The following SCOC variants were observed in gnomAD, a reference collection of about 807,000 sequenced individuals.
SCOC encodes the protein short coiled coil protein.
SCOC carries 7 observed loss-of-function variants against 9.9 expected under a neutral mutation model. The observed-to-expected ratio is 0.71, with a 90% CI of 0.40 to 1.33. The LOEUF is 1.33. Among genes scored for constraint, SCOC ranks in the 40% most tolerant of loss-of-function variants. SCOC has a pLI of 0.01. For missense variants in SCOC, 66 were observed against 89.7 expected (o/e 0.74, Z 1.07); for synonymous variants, 19 against 28.2 (o/e 0.67, Z 1.03).
At chr4:140,308,735 C>T (rs919098757) in intron 1 of SCOC, among the ~76,000 whole-genome samples, 1 of 152,218 alleles carries the variant, frequency 6.6e-6, no homozygotes, top group Non-Finnish European at 1.5e-5. Flanking sequence ...TGAGAAGTGT[C>T]TGGAGAAAAG....
chr4:140,305,661 T>C (rs188376037), intron 1 of SCOC, among the ~76,000 whole-genome samples: 2 of 152,240 alleles, frequency 1.3e-5, no homozygotes, highest in Admixed American at 1.3e-4. Context: ...AAGAGCCATA[T>C]AGCTATATAG....
rs539937449 is a variant in SCOC at position 140,312,883 on chromosome 4, G to A, written c.-18-30738G>A. The stretch of plus-strand genomic sequence containing the variant: ...ATTTTTAAGAAAAACTCAACATTCT[G>A]GCCATTATACCATCTAGGAATTTTA... On this transcript the variant is annotated intron_variant, in intron 1 of 4. Coordinates refer to the SCOC transcript ENST00000394205. Among the ~76,000 whole-genome samples the A allele has an allele frequency of 7.2e-5, 11 of 152,128 alleles. No homozygotes were observed. The South Asian group carries it at 2.3e-3, about 32-fold the overall frequency.
intron 1 of SCOC, among the ~76,000 whole-genome samples, chr4:140,313,356 A>C (rs779882123): frequency 6.6e-6 from 1 of 152,152 alleles, no homozygotes; most frequent in East Asian, 1.9e-4. Context: ...GCGATTCTCG[A>C]TTCTCCTGTC....
chr4:140,372,382 T>A (rs1432856418), upstream of SCOC, among the ~76,000 whole-genome samples: 1 of 152,234 alleles, frequency 6.6e-6, no homozygotes, highest in Non-Finnish European at 1.5e-5. Context: ...TGCATAGAAT[T>A]CTTATATTAA....
intron 1 of SCOC, among the ~76,000 whole-genome samples, chr4:140,264,412 T>A (rs977024065): frequency 6.6e-6 from 1 of 152,194 alleles, no homozygotes; most frequent in Non-Finnish European, 1.5e-5. Flanking sequence ...GTGCCTTGGT[T>A]TCCTTATGTG....
intron 1 of SCOC, among the ~76,000 whole-genome samples, chr4:140,260,721 T>A (rs957322262): frequency 6.6e-6 from 1 of 152,242 alleles, no homozygotes; most frequent in Non-Finnish European, 1.5e-5. Flanking sequence ...TCACTCATTC[T>A]GGAGTGGGGA....
chr4:140,374,864 T>G (rs2126591248), intron 1 of SCOC, among the ~76,000 whole-genome samples: 1 of 152,320 alleles, frequency 6.6e-6, no homozygotes, highest in East Asian at 1.9e-4. Flanking sequence ...TTTCTGAAAT[T>G]TAGTGTCCAT....
intron 1 of SCOC, among the ~76,000 whole-genome samples, chr4:140,314,742 G>A (rs966361711): frequency 1.1e-4 from 16 of 152,158 alleles, no homozygotes; most frequent in African/African-American, 3.9e-4. Flanking sequence ...CAGCTAGCGA[G>A]GTGCTAAGTG....
At chr4:140,261,705 A>G (rs1392315032) in intron 1 of SCOC, among the ~76,000 whole-genome samples, 1 of 152,242 alleles carries the variant, frequency 6.6e-6, no homozygotes, top group South Asian at 2.1e-4. Flanking sequence ...AATATAAGCA[A>G]ATATACCATG....
intron 2 of SCOC, among the ~76,000 whole-genome samples, chr4:140,359,277 G>C (rs1005121669): frequency 5.3e-5 from 8 of 152,256 alleles, no homozygotes; most frequent in African/African-American, 1.9e-4. Context: ...ACACAGCCAC[G>C]GTGGAAGCTG....
chr4:140,270,028 G>A (rs1730807482), intron 1 of SCOC, among the ~76,000 whole-genome samples: 2 of 152,180 alleles, frequency 1.3e-5, no homozygotes, highest in Non-Finnish European at 2.9e-5. Context: ...TGGGATTACA[G>A]GCATGAACCA....
intron 1 of SCOC, among the ~76,000 whole-genome samples, chr4:140,276,956 C>T (rs975980046): frequency 3.9e-5 from 6 of 152,170 alleles, no homozygotes; most frequent in African/African-American, 1.2e-4. Flanking sequence ...ATATTACTCT[C>T]TCTCCTCATG....
Position 140,291,416 on chromosome 4 carries a change from G to A in SCOC, c.-19+34006G>A, listed in dbSNP as rs141495762. 545 of 456,962 alleles carry A rather than the reference G, an allele frequency of 1.2e-3. 4 individuals are homozygous for A. The highest frequency in any genetic ancestry group is 1.0e-2 in the African/African-American group (500 of 50,146). The allele number at this position is 456,962 out of a possible 1,614,324, so 28.3% of individuals were successfully genotyped here. On this transcript the variant is annotated intron_variant, in intron 1 of 4. Transcript: ENST00000394205. ...TTCTGCAGGGCATGTGTCTTCCCAA[G>A]CCCTCTGGTGTATAGCAACCTCTTG...
chr4:140,327,423 T>C (rs774259394), intron 1 of SCOC, among the ~76,000 whole-genome samples: 1 of 99,090 alleles, frequency 1.0e-5, no homozygotes, highest in African/African-American at 4.4e-5. Flanking sequence ...TTCTTTCTAC[T>C]GTGCTTTCAA....
At chr4:140,258,302 T>C (rs1730555227) in intron 1 of SCOC, among the ~76,000 whole-genome samples, 1 of 152,252 alleles carries the variant, frequency 6.6e-6, no homozygotes, top group Admixed American at 6.5e-5. Flanking sequence ...GAATTCATCT[T>C]GTCCCCTTTT....
chr4:140,368,059 T>A (rs2126572863), intron 2 of SCOC, among the ~76,000 whole-genome samples: 1 of 152,340 alleles, frequency 6.6e-6, no homozygotes. Context: ...CCCTGCAGTC[T>A]CATGGTTAAT....
At chr4:140,291,432 C>G (rs773145588) in intron 1 of SCOC, 6 of 457,080 alleles carry the variant, frequency 1.3e-5, no homozygotes, top group African/African-American at 4.0e-5. Flanking sequence ...TGGTGTATAG[C>G]AACCTCTTGT....
chr4:140,314,808 C>T (rs558937986), intron 1 of SCOC, among the ~76,000 whole-genome samples: 31 of 152,196 alleles, frequency 2.0e-4, no homozygotes, highest in Non-Finnish European at 3.5e-4. Context: ...ATGAGATGTC[C>T]AGGGCCAGGG....
intron 2 of SCOC, among the ~76,000 whole-genome samples, chr4:140,354,889 A>G (rs1176424680): frequency 6.6e-6 from 1 of 152,066 alleles, no homozygotes; most frequent in Non-Finnish European, 1.5e-5. Flanking sequence ...TCTATCTAAA[A>G]AGCAACCCGT....
Sources: gnomAD v4.1 joint callset for allele counts (sites outside exome capture counted in the v4.1 genomes callset) on GRCh38, gnomAD v4.1.1 for gene constraint, MANE v1.5 for transcripts, NCBI Gene and HGNC (gene_info 2026-07-23, HGNC 2026-07-21) for gene names.